Variants in PEX5L observed in about 807,000 individuals in gnomAD.
PEX5L encodes the protein PEX5-related protein.
Under a neutral mutation model 84.0 loss-of-function variants are expected in PEX5L, and 30 were observed. The ratio of observed to expected loss-of-function variants is 0.36; its 90% confidence interval spans 0.27 to 0.48. The LOEUF (loss-of-function observed/expected upper bound fraction) is 0.48, where lower values mean the gene tolerates loss of function less well. Ranked by LOEUF, PEX5L falls within the 20% of genes least tolerant of loss-of-function variation. PEX5L has a pLI of 0.99. For missense variants in PEX5L, 533 were observed against 754.6 expected (o/e 0.71, Z 3.44); for synonymous variants, 270 against 283.1 (o/e 0.95, Z 0.46).
intron 1 of PEX5L, among the ~76,000 whole-genome samples, chr3:180,031,354 A>G (rs1276280476): frequency 6.6e-6 from 1 of 152,206 alleles, no homozygotes; most frequent in African/African-American, 2.4e-5. Context: ...GGTGAGGTAG[A>G]AGTGGATGAG....
intron 1 of PEX5L, among the ~76,000 whole-genome samples, chr3:179,994,400 A>G (rs76133784): frequency 0.17 from 25,585 of 152,106 alleles, 2,972 homozygotes; most frequent in African/African-American, 0.33. Flanking sequence ...ATCTTCTAGC[A>G]AAGTGCTCCA....
At chr3:179,943,873 G>T (rs887454807) in intron 2 of PEX5L, among the ~76,000 whole-genome samples, 26 of 152,080 alleles carry the variant, frequency 1.7e-4, no homozygotes, top group African/African-American at 6.3e-4. Context: ...CAAATTCCCT[G>T]GGTAAAGCAG....
At chr3:179,977,215 C>T (rs1489248212) in intron 1 of PEX5L, among the ~76,000 whole-genome samples, 1 of 152,094 alleles carries the variant, frequency 6.6e-6, no homozygotes, top group African/African-American at 2.4e-5. Flanking sequence ...CATAACATTG[C>T]CACAGAAAAT....
intron 10 of PEX5L, among the ~76,000 whole-genome samples, chr3:179,813,958 G>T (rs1725011761): frequency 6.7e-6 from 1 of 148,238 alleles, no homozygotes; most frequent in African/African-American, 2.5e-5. Context: ...TTACAGGCGT[G>T]AGCCACCGCG....
At chr3:180,029,824 C>T (rs1354259936) in intron 1 of PEX5L, among the ~76,000 whole-genome samples, 1 of 151,520 alleles carries the variant, frequency 6.6e-6, no homozygotes. Flanking sequence ...CCATGTATCT[C>T]ATGTGTACAT....
intron 2 of PEX5L, among the ~76,000 whole-genome samples, chr3:179,906,486 C>T (rs1022716548): frequency 1.3e-5 from 2 of 152,020 alleles, no homozygotes; most frequent in African/African-American, 2.4e-5. Context: ...TTGCCTTTGG[C>T]CTTACATTGA....
rs141834262 is a variant in PEX5L at position 179,815,715 on chromosome 3, T to C, written c.1083+146A>G. 9.9e-4 allele frequency: 795 copies of C among 799,626 alleles called. 13 individuals are homozygous for C. The East Asian group carries it at 0.02, about 20-fold the overall frequency. The allele number at this position is 799,626 out of a possible 1,614,324, so 49.5% of individuals were successfully genotyped here. On this transcript the variant is annotated intron_variant, in intron 10 of 14. Transcript: ENST00000467460. ...TGGTTAGAAAACGGGTACTTATTTG[T>C]AACTTTTAAACAAGTAGACTAAGCT...
chr3:179,817,960 G>T lies in PEX5L; in HGVS notation c.939+1900C>A, dbSNP rs111863306. On this transcript the variant is annotated intron_variant, in intron 9 of 14. Coordinates refer to ENST00000467460, the MANE Select transcript of PEX5L (RefSeq NM_016559.3). Reference sequence around the variant, plus strand: ...GTTCTCACTTAGCTATGATTTCCTTGTGGAAAAGACAGTTACTTTTAATGA... The same window carrying T: ...GTTCTCACTTAGCTATGATTTCCTTTTGGAAAAGACAGTTACTTTTAATGA... 4.6e-3 allele frequency among the ~76,000 whole-genome samples: 708 copies of T among 152,276 alleles called. 9 individuals are homozygous for T. The highest frequency in any genetic ancestry group is 0.016 in the African/African-American group (675 of 41,552).
At chr3:179,814,276 G>A (rs1393454882) in intron 10 of PEX5L, among the ~76,000 whole-genome samples, 2 of 152,118 alleles carry the variant, frequency 1.3e-5, no homozygotes, top group South Asian at 4.1e-4. Context: ...TAAAAATGAA[G>A]GCTAAATATT....
chr3:179,916,380 C>A (rs1356673629), intron 2 of PEX5L, among the ~76,000 whole-genome samples: 3 of 151,898 alleles, frequency 2.0e-5, no homozygotes, highest in Non-Finnish European at 4.4e-5. Flanking sequence ...ATTTGTGTAT[C>A]CAAACATATC....
chr3:180,023,175 G>C (rs1048355568), intron 1 of PEX5L, among the ~76,000 whole-genome samples: 1 of 152,136 alleles, frequency 6.6e-6, no homozygotes, highest in Non-Finnish European at 1.5e-5. Context: ...GGAAGTCTGG[G>C]GGAGGTGGTC....
intron 2 of PEX5L, among the ~76,000 whole-genome samples, chr3:179,925,809 G>T (rs568651714): frequency 6.6e-5 from 10 of 152,030 alleles, no homozygotes; most frequent in African/African-American, 1.9e-4. Flanking sequence ...CTAATATTCT[G>T]CCCAAATCTT....
intron 2 of PEX5L, among the ~76,000 whole-genome samples, chr3:179,905,380 C>T (rs1164719835): frequency 6.6e-6 from 1 of 151,824 alleles, no homozygotes; most frequent in African/African-American, 2.4e-5. Flanking sequence ...TCAAGCCATT[C>T]TCCTGCCTCA....
At position 179,810,002 on chromosome 3, in the gene PEX5L, C is replaced by CTTTTTTTT. The variant is rs35662193; in HGVS notation, c.1155-342_1155-335dup. Among the ~76,000 whole-genome samples the CTTTTTTTT allele has an allele frequency of 5.7e-4, 26 of 45,306 alleles. 3 individuals carry two copies. The highest frequency in any genetic ancestry group is 3.0e-3 in the East Asian group (3 of 1,002). The allele number at this position is 45,306 out of a possible 152,430, so 29.7% of individuals were successfully genotyped here. A position where few individuals can be genotyped will look rare whatever the true frequency, so the allele number is the denominator to read the frequency against. ...AGGGGATATCATTATTTTAATGCTG[C>CTTTTTTTT]TTTTTTTTTTTTTTTTTTTTTTTTT... is the stretch of plus-strand genomic sequence containing the variant. On this transcript the variant is annotated intron_variant, in intron 11 of 14. Transcript: ENST00000467460.
chr3:179,986,713 AT>A (rs1363564133), intron 1 of PEX5L, among the ~76,000 whole-genome samples: 1 of 151,644 alleles, frequency 6.6e-6, no homozygotes, highest in Admixed American at 6.6e-5. Context: ...ACATTTAGTA[AT>A]TTTTTTTCAG....
At chr3:179,815,044 C>G (rs1362964855) in intron 10 of PEX5L, among the ~76,000 whole-genome samples, 3 of 152,194 alleles carry the variant, frequency 2.0e-5, no homozygotes, top group Non-Finnish European at 4.4e-5. Flanking sequence ...TGTGCACACT[C>G]TGACATTGCA....
intron 3 of PEX5L, chr3:179,888,078 C>G: frequency 9.9e-7 from 1 of 1,011,992 alleles, no homozygotes; most frequent in South Asian, 1.3e-5. Context: ...GAAAATGACA[C>G]GTATTGAATC....
chr3:179,808,252 G>A lies in PEX5L; in HGVS notation c.1518+20C>T. 6.6e-7 allele frequency: 1 copy of A among 1,517,360 alleles called. No homozygotes were observed. The highest frequency in any genetic ancestry group is 8.8e-7 in the Non-Finnish European group (1 of 1,132,432). The allele number at this position is 1,517,360 out of a possible 1,614,324, so 94.0% of individuals were successfully genotyped here. A position where few individuals can be genotyped will look rare whatever the true frequency, so the allele number is the denominator to read the frequency against. ...GTTACAGAGAACGCTGTGGTTTCTT[G>A]CTGTGCTGTGCTGTCTTACCTCTGG... On this transcript the variant is annotated intron_variant, in intron 13 of 14. Transcript: ENST00000467460.
chr3:179,987,854 T>C (rs925361418), intron 1 of PEX5L, among the ~76,000 whole-genome samples: 3 of 152,208 alleles, frequency 2.0e-5, no homozygotes, highest in Middle Eastern at 3.2e-3. Context: ...AGAAAAAGAA[T>C]GACTGCAGAT....
Sources: gnomAD v4.1 joint callset for allele counts (sites outside exome capture counted in the v4.1 genomes callset) on GRCh38, gnomAD v4.1.1 for gene constraint, MANE v1.5 for transcripts, NCBI Gene and HGNC (gene_info 2026-07-23, HGNC 2026-07-21) for gene names.